Variants in ITGA11 observed in about 807,000 individuals in gnomAD.
ITGA11 encodes integrin subunit alpha 11.
Under a neutral mutation model 141.9 loss-of-function variants are expected in ITGA11, and 97 were observed. The observed-to-expected ratio is 0.68, with a 90% confidence interval of 0.58 to 0.81. ITGA11 has a LOEUF of 0.81. Among genes scored for constraint, ITGA11 ranks in the 30% least tolerant of loss-of-function variants. The pLI is 0.00. For synonymous variants in ITGA11, 658 were observed against 624.6 expected (o/e 1.05, Z -0.80); for missense variants, 1,387 against 1,559.2 (o/e 0.89, Z 1.86).
rs762200170 is a variant in ITGA11 at position 68,358,572 on chromosome 15, G to A, written c.486C>T (p.Tyr162=). 10 of 1,613,328 alleles carry A rather than the reference G, an allele frequency of 6.2e-6. No homozygotes were observed. The highest frequency in any genetic ancestry group is 7.6e-6 in the Non-Finnish European group (9 of 1,179,708). ...CATCCAGGACAATGACGATGTCCAT[G>A]TAGGTCTGGCACCCTGGAAAGTGGG... ...VAPALQRCQT[Y]MDIVIVLDGS... is the part of the protein sequence containing the mutation. Residue 162 remains tyrosine, a synonymous_variant, in exon 6 of 30, where the codon TAC becomes TAT. Coordinates refer to ENST00000315757, the MANE Select transcript of ITGA11 (RefSeq NM_001004439.2).
chr15:68,310,479 CA>C (rs1206892006), intron 26 of ITGA11, among the ~76,000 whole-genome samples: 14 of 152,164 alleles, frequency 9.2e-5, no homozygotes, highest in African/African-American at 3.1e-4. Flanking sequence ...GAGGCAGAGG[CA>C]ACCCTGAGAA....
Position 68,307,215 on chromosome 15 carries a change from A to T in ITGA11, c.3381+133T>A. 1 of 659,982 alleles carries T rather than the reference A, an allele frequency of 1.5e-6. No homozygotes were observed. The highest frequency in any genetic ancestry group is 2.7e-5 in the East Asian group (1 of 36,716). The allele number at this position is 659,982 out of a possible 1,614,324, so 40.9% of individuals were successfully genotyped here. On this transcript the variant is annotated intron_variant, in intron 28 of 29. Coordinates refer to ENST00000315757, the MANE Select transcript of ITGA11 (RefSeq NM_001004439.2). This position sits in a 1 kb window ranked among gnomAD's most constrained non-coding sequence, Gnocchi z 6.1. ...TTTTCAGCGGCTGCCCTAACAGCCCACAGGTCTGCCTGATTCTCTCCTGCT... is the reference window on the plus strand; with the variant it reads ...TTTTCAGCGGCTGCCCTAACAGCCCTCAGGTCTGCCTGATTCTCTCCTGCT...
At chr15:68,372,812 G>T (rs1261650520) in intron 2 of ITGA11, among the ~76,000 whole-genome samples, 1 of 152,104 alleles carries the variant, frequency 6.6e-6, no homozygotes, top group East Asian at 1.9e-4. Context: ...AGGCTCTTTG[G>T]GGACTCATCC....
At chr15:68,329,994 T>C (rs1475138676) in intron 15 of ITGA11, among the ~76,000 whole-genome samples, 3 of 152,182 alleles carry the variant, frequency 2.0e-5, no homozygotes, top group Non-Finnish European at 4.4e-5. Flanking sequence ...TACAATGGGC[T>C]GTTTTACGCC....
intron 1 of ITGA11, among the ~76,000 whole-genome samples, chr15:68,407,599 G>C (rs1896677502): frequency 6.6e-6 from 1 of 152,172 alleles, no homozygotes; most frequent in Admixed American, 6.5e-5. Flanking sequence ...TGGGAGCCTG[G>C]TTGGGCAGCT....
intron 10 of ITGA11, among the ~76,000 whole-genome samples, chr15:68,342,997 T>TTCTCTCTCTCTC (rs6145615): frequency 1.8e-3 from 266 of 144,010 alleles, no homozygotes; most frequent in Middle Eastern, 3.6e-3. Flanking sequence ...GGGCAAGTTC[T>TTCTCTCTCTCTC]TCTCTCTCTC....
intron 7 of ITGA11, among the ~76,000 whole-genome samples, chr15:68,352,432 A>T (rs1039172441): frequency 2.6e-5 from 4 of 152,046 alleles, no homozygotes; most frequent in African/African-American, 9.7e-5. Flanking sequence ...GCCTCAAGTG[A>T]TCTGCCCGCC....
At chr15:68,350,899 T>C (rs1894889056) in intron 8 of ITGA11, 117 bp from the exon 9 acceptor site, 3 of 1,007,844 alleles carry the variant, frequency 3.0e-6, no homozygotes, top group South Asian at 3.2e-5. Flanking sequence ...CCGGTAGCCA[T>C]GAGAGTTCCT....
chr15:68,424,831 C>A (rs1037408458), intron 1 of ITGA11, among the ~76,000 whole-genome samples: 6 of 152,202 alleles, frequency 3.9e-5, no homozygotes, highest in African/African-American at 1.4e-4. Flanking sequence ...CAGAGATCCC[C>A]TAAAAAGGTT....
At chr15:68,311,218 G>A in intron 25 of ITGA11, 72 bp downstream of exon 25, 1 of 1,290,454 alleles carries the variant, frequency 7.7e-7, no homozygotes, top group South Asian at 1.3e-5. Flanking sequence ...TGGGAACCTG[G>A]GGACACACGT....
At chr15:68,405,909 C>T (rs147653979) in intron 1 of ITGA11, among the ~76,000 whole-genome samples, 19 of 152,252 alleles carry the variant, frequency 1.2e-4, no homozygotes, top group Non-Finnish European at 2.4e-4. Context: ...TATGCACGCA[C>T]GTGCACACAC....
chr15:68,374,048 A>G (rs550138222), intron 2 of ITGA11, among the ~76,000 whole-genome samples: 6 of 152,374 alleles, frequency 3.9e-5, no homozygotes, highest in Admixed American at 6.5e-5. Context: ...AAAAAAGTGC[A>G]CATAGTTAAA....
chr15:68,350,409 T>C (rs1437542588), intron 9 of ITGA11, among the ~76,000 whole-genome samples: 1 of 152,124 alleles, frequency 6.6e-6, no homozygotes, highest in Non-Finnish European at 1.5e-5. Flanking sequence ...AAACTGGTCT[T>C]GAACTCCTGA....
chr15:68,414,489 G>A (rs1288186158), intron 1 of ITGA11, among the ~76,000 whole-genome samples: 5 of 152,140 alleles, frequency 3.3e-5, no homozygotes, highest in African/African-American at 7.2e-5. Context: ...CTGGTTTCTC[G>A]ACTGGCTATG....
chr15:68,411,217 TC>T (rs1408816576), intron 1 of ITGA11, among the ~76,000 whole-genome samples: 2 of 152,222 alleles, frequency 1.3e-5, no homozygotes, highest in Non-Finnish European at 2.9e-5. Flanking sequence ...ATTCTACTTA[TC>T]CCTTTATCCC....
Position 68,307,274 on chromosome 15 carries a change from A to G in ITGA11, c.3381+74T>C, listed in dbSNP as rs1041173422. ...CAGCCAGGGGTTGTAGGAAAACTCT[A>G]TAGAGGAGCACGGCCAACCCTTTCC... On this transcript the variant is annotated intron_variant, in intron 28 of 29. Coordinates refer to ENST00000315757, the MANE Select transcript of ITGA11 (RefSeq NM_001004439.2). This position sits in a 1 kb window ranked among gnomAD's most constrained non-coding sequence, Gnocchi z 6.1. The G allele has an allele frequency of 1.8e-5, 19 of 1,078,916 alleles. No individual in the cohort carries two copies. The highest frequency in any genetic ancestry group is 5.5e-4 in the Middle Eastern group (2 of 3,654). The allele number at this position is 1,078,916 out of a possible 1,614,324, so 66.8% of individuals were successfully genotyped here. A position where few individuals can be genotyped will look rare whatever the true frequency, so the allele number is the denominator to read the frequency against.
chr15:68,361,781 T>C, intron 4 of ITGA11, 77 bp from the exon 5 acceptor site: 1 of 955,512 alleles, frequency 1.0e-6, no homozygotes, highest in Non-Finnish European at 1.6e-6. Context: ...TGAGGCCCAC[T>C]CCCATCCTCC....
At chr15:68,424,704 T>C (rs948851184) in intron 1 of ITGA11, among the ~76,000 whole-genome samples, 1 of 151,970 alleles carries the variant, frequency 6.6e-6, no homozygotes, top group African/African-American at 2.4e-5. Context: ...TTAGAAGTGC[T>C]GACCCTGGAG....
chr15:68,418,023 A>G (rs555288609), intron 1 of ITGA11, among the ~76,000 whole-genome samples: 10 of 152,368 alleles, frequency 6.6e-5, no homozygotes, highest in Admixed American at 3.9e-4. Context: ...GAGTCTGCAT[A>G]CAAGAGCTGA....
Sources: gnomAD v4.1 joint callset for allele counts (sites outside exome capture counted in the v4.1 genomes callset) on GRCh38, gnomAD v4.1.1 for gene constraint, Gnocchi (gnomAD v3.1) non-coding constraint, MANE v1.5 for transcripts, NCBI Gene and HGNC (gene_info 2026-07-23, HGNC 2026-07-21) for gene names.